Variants in SAMHD1 observed in about 807,000 individuals in gnomAD.
The protein encoded by SAMHD1 is deoxynucleoside triphosphate triphosphohydrolase SAMHD1.
SAMHD1 carries 54 observed loss-of-function variants against 79.6 expected under a neutral mutation model. The ratio of observed to expected loss-of-function variants is 0.68; its 90% CI spans 0.55 to 0.85. The LOEUF (loss-of-function observed/expected upper bound fraction) is 0.85. Ranked by LOEUF, SAMHD1 falls within the 40% of genes least tolerant of loss-of-function variation. The probability of loss-of-function intolerance (pLI) is 0.00; values close to 1 mark genes in which losing one functional copy is unlikely to be tolerated. For synonymous variants in SAMHD1, 260 were observed against 264.1 expected, an observed-to-expected ratio of 0.98 and a Z score of 0.15; for missense variants, 663 against 782.7, an observed-to-expected ratio of 0.85 and a Z score of 1.82.
intron 4 of SAMHD1, among the ~76,000 whole-genome samples, chr20:36,931,406 C>A (rs73620242): frequency 3.9e-5 from 6 of 152,008 alleles, no homozygotes; most frequent in Admixed American, 3.9e-4. Flanking sequence ...GAGGCTGAGG[C>A]GGGCAGATCA....
rs1211645352 is a variant in SAMHD1 at position 36,904,408 on chromosome 20, GA to G, written c.1411-160del. 3 of 656,454 alleles carry G rather than the reference GA, an allele frequency of 4.6e-6. No homozygotes were observed. In the Admixed American group the frequency reaches 7.5e-5, roughly 16 times the overall value. 40.7% of individuals were successfully genotyped at this position (656,454 alleles called of 1,614,324 possible). A position where few individuals can be genotyped will look rare whatever the true frequency, so the allele number is the denominator to read the frequency against. Reference sequence around the variant, plus strand: ...ACCAATGTCACTCGTTAAACAAAGAGAGCATTTTTGTAAAAAATTGTAAAAA... The same window carrying G: ...ACCAATGTCACTCGTTAAACAAAGAGGCATTTTTGTAAAAAATTGTAAAAA... On this transcript the variant is annotated intron_variant, in intron 12 of 15. Transcript: ENST00000646673.
chr20:36,918,226 C>T (rs2146118183), intron 7 of SAMHD1, among the ~76,000 whole-genome samples: 1 of 152,004 alleles, frequency 6.6e-6, no homozygotes, highest in South Asian at 2.1e-4. Flanking sequence ...GCTGGGATTA[C>T]AGGCATGAGT....
chr20:36,890,558 GGATTCAAGC>G lies in SAMHD1; in HGVS notation c.*2365_*2373del. 1 of 151,866 alleles carries G rather than the reference GGATTCAAGC, an allele frequency of 6.6e-6. No homozygotes were observed. Among genetic ancestry groups the G allele is most frequent in the South Asian group, 2.1e-4 (1 of 4,794 alleles). 9.4% of individuals were successfully genotyped at this position (151,866 alleles called of 1,614,324 possible). A position where few individuals can be genotyped will look rare whatever the true frequency, so the allele number is the denominator to read the frequency against. The stretch of plus-strand genomic sequence containing the variant: ...TGGCTCACTGCAACCTCTGCCTCCC[GGATTCAAGC>G]GATTCTCCTGCCTCAGCCTCCCGAG... On this transcript the variant is annotated 3_prime_UTR_variant, in exon 16 of 16. Transcript: ENST00000646673.
At chr20:36,918,464 A>T (rs955089102) in intron 7 of SAMHD1, among the ~76,000 whole-genome samples, 74 of 151,146 alleles carry the variant, frequency 4.9e-4, no homozygotes, top group East Asian at 9.9e-4. Context: ...AAAAAAAAAA[A>T]TTTTTTTTAA....
In SAMHD1 at chr20:36,908,327, C is replaced by T. The variant is rs150651185; in HGVS notation, c.1271-2824G>A. Among the ~76,000 whole-genome samples the T allele has an allele frequency of 2.3e-4, 35 of 152,156 alleles. 1 individual carries two copies. Among genetic ancestry groups the T allele is most frequent in the African/African-American group, 7.2e-5 (3 of 41,492 alleles). ...GTGCAATCTTGGCTCACTGCAACCC[C>T]GGCCTCCTGGGCTCCAGTGATCCCC... On this transcript the variant is annotated intron_variant, in intron 11 of 15. Coordinates refer to ENST00000646673, the MANE Select transcript of SAMHD1 (RefSeq NM_015474.4).
intron 12 of SAMHD1, 161 bp from the exon 13 acceptor site, chr20:36,904,410 G>T: frequency 1.5e-6 from 1 of 653,496 alleles, no homozygotes; most frequent in South Asian, 1.6e-5. Flanking sequence ...AACAAAGAGA[G>T]CATTTTTGTA....
At chr20:36,900,578 G>GT (rs1034145280) in intron 13 of SAMHD1, among the ~76,000 whole-genome samples, 53 of 140,160 alleles carry the variant, frequency 3.8e-4, no homozygotes, top group South Asian at 9.2e-4. Context: ...TAGTTTTTTT[G>GT]TTTTTTTTTG....
At chr20:36,911,438 GCA>G (rs1784911137) in intron 10 of SAMHD1, 105 bp from the exon 11 acceptor site, 1 of 749,468 alleles carries the variant, frequency 1.3e-6, no homozygotes, top group East Asian at 2.6e-5. Context: ...AAATAATGAG[GCA>G]CAGTGTTCTA....
Position 36,890,429 on chromosome 20 carries a change from C to CTTTCTTTCTTTTTTTCTT in SAMHD1, c.*2502_*2503insAAGAAAAAAAGAAAGAAA, listed in dbSNP as rs1990044085. 1 of 16,220 alleles carries CTTTCTTTCTTTTTTTCTT rather than the reference C, an allele frequency of 6.2e-5. No homozygotes were observed. The allele number at this position is 16,220 out of a possible 1,614,324, so 1.0% of individuals were successfully genotyped here. ...TTCTTTCTTTCTTTCTTTTCTTTCT[C>CTTTCTTTCTTTTTTTCTT]TCTTTCCTTCCTTCCTTCCCTCCTT... is the stretch of plus-strand genomic sequence containing the variant. On this transcript the variant is annotated 3_prime_UTR_variant, in exon 16 of 16. Transcript: ENST00000646673.
rs371992324 is a variant in SAMHD1 at position 36,905,454 on chromosome 20, G to A, written c.1320C>T (p.Asp440=). Reference sequence around the variant, plus strand: ...CAATTTGTTTTAAAATCTCTCGTGCGTCTTTCAATTTGGGATCAGTAGAGT... The same window carrying A: ...CAATTTGTTTTAAAATCTCTCGTGCATCTTTCAATTTGGGATCAGTAGAGT... ...ILYSTDPKLK[D]AREILKQIEY... Residue 440 remains aspartate, a synonymous_variant, in exon 12 of 16, where the codon GAC becomes GAT. Transcript: ENST00000646673. 6.3e-5 allele frequency: 101 copies of A among 1,613,090 alleles called. No homozygotes were observed. In the Middle Eastern group the frequency reaches 9.9e-4, roughly 16 times the overall value.
rs2063688238 is a variant in SAMHD1, at chr20:36,946,644, T to C, written c.275+94A>G. 14 of 899,088 alleles carry C rather than the reference T, an allele frequency of 1.6e-5. No homozygotes were observed. The South Asian group carries it at 2.0e-4, about 13-fold the overall frequency. The allele number at this position is 899,088 out of a possible 1,614,324, so 55.7% of individuals were successfully genotyped here. ...TTTAAAGCACTTCATAGATTTAAAATGAGGACAGTTTATATCAGAGATTTT... is the reference window on the plus strand; with the variant it reads ...TTTAAAGCACTTCATAGATTTAAAACGAGGACAGTTTATATCAGAGATTTT... On this transcript the variant is annotated intron_variant, in intron 2 of 15. Coordinates refer to ENST00000646673, the MANE Select transcript of SAMHD1 (RefSeq NM_015474.4).
Position 36,940,849 on chromosome 20 carries a change from T to G in SAMHD1, c.348+190A>C, listed in dbSNP as rs1568782286. On this transcript the variant is annotated intron_variant, in intron 3 of 15. Transcript: ENST00000646673. ...ATGCTTTTCTGTATGCTTAAACATA[T>G]TTTAGTTCTTCTTCTGATTTAAATA... 10 of 611,600 alleles carry G rather than the reference T, an allele frequency of 1.6e-5. No individual in the cohort carries two copies. The East Asian group carries it at 2.5e-4, about 15-fold the overall frequency. The allele number at this position is 611,600 out of a possible 1,614,324, so 37.9% of individuals were successfully genotyped here.
chr20:36,923,978 G>A (rs1007799229), intron 6 of SAMHD1, among the ~76,000 whole-genome samples: 5 of 152,100 alleles, frequency 3.3e-5, no homozygotes, highest in Non-Finnish European at 7.4e-5. Flanking sequence ...GGCCAGGTGT[G>A]GTGGCTTAGG....
chr20:36,914,937 G>A (rs2063466560), intron 9 of SAMHD1, among the ~76,000 whole-genome samples: 1 of 151,842 alleles, frequency 6.6e-6, no homozygotes, highest in African/African-American at 2.4e-5. Context: ...GCTTGAGCTG[G>A]GAAGGTGGAG....
In SAMHD1 at chr20:36,933,475, C is replaced by T. The variant is rs191887942; in HGVS notation, c.509+1554G>A. On this transcript the variant is annotated intron_variant, in intron 4 of 15. Transcript: ENST00000646673. ...AAATATACATAATTAGTTGTATCAG[C>T]AACCGACCCATTAGCTTTTATTTAT... is the stretch of plus-strand genomic sequence containing the variant. Among the ~76,000 whole-genome samples the T allele has an allele frequency of 1.9e-3, 286 of 152,136 alleles. 1 individual carries two copies. The highest frequency in any genetic ancestry group is 6.4e-3 in the African/African-American group (266 of 41,512).
At position 36,890,269 on chromosome 20, in the gene SAMHD1, G is replaced by C. The variant is rs993600752; in HGVS notation, c.*2663C>G. On this transcript the variant is annotated 3_prime_UTR_variant, in exon 16 of 16. Transcript: ENST00000646673. ...TTATTGCAGCTGTTTCCCTTACCCA[G>C]TTGAAGTGGCCAGTCATTTTAATTT... 6.6e-6 allele frequency: 1 copy of C among 152,164 alleles called. No homozygotes were observed. Among genetic ancestry groups the C allele is most frequent in the African/African-American group, 2.4e-5 (1 of 41,432 alleles). The allele number at this position is 152,164 out of a possible 1,614,324, so 9.4% of individuals were successfully genotyped here. A position where few individuals can be genotyped will look rare whatever the true frequency, so the allele number is the denominator to read the frequency against.
intron 2 of SAMHD1, among the ~76,000 whole-genome samples, chr20:36,946,057 C>T (rs987393923): frequency 1.6e-4 from 24 of 151,906 alleles, no homozygotes; most frequent in South Asian, 6.2e-4. Flanking sequence ...CCGAGGCAAG[C>T]GGATCACTTG....
intron 6 of SAMHD1, among the ~76,000 whole-genome samples, chr20:36,925,847 G>C (rs1285217132): frequency 2.6e-5 from 4 of 152,126 alleles, no homozygotes; most frequent in African/African-American, 9.7e-5. Flanking sequence ...AAAACAACTG[G>C]AACTCCAGTA....
chr20:36,929,452 C>T (rs1001538581), intron 5 of SAMHD1, among the ~76,000 whole-genome samples: 1 of 152,008 alleles, frequency 6.6e-6, no homozygotes, highest in Non-Finnish European at 1.5e-5. Context: ...GGAACAGTCC[C>T]GGCCCAACGT....
Sources: allele counts gnomAD v4.1 joint callset (sites outside exome capture counted in the v4.1 genomes callset), GRCh38; gene constraint gnomAD v4.1.1; transcripts MANE v1.5; gene names NCBI Gene and HGNC (gene_info 2026-07-23, HGNC 2026-07-21).